BTBD9: variants seen among roughly 807,000 people sequenced by gnomAD.
BTBD9 encodes the protein BTB/POZ domain-containing protein 9.
In BTBD9, 49 loss-of-function variants were observed where a neutral mutation model predicts 64.3. That is an observed-to-expected ratio of 0.76 (90% confidence interval 0.61 to 0.97). The LOEUF (loss-of-function observed/expected upper bound fraction) is 0.97. Ranked by LOEUF, BTBD9 falls within the 50% of genes least tolerant of loss-of-function variation. BTBD9 has a pLI of 0.00. For synonymous variants in BTBD9, 260 were observed against 274.7 expected (o/e 0.95, Z 0.53); for missense variants, 598 against 762.1 (o/e 0.78, Z 2.53).
chr6:38,274,080 G>A (rs1025152077), intron 8 of BTBD9, among the ~76,000 whole-genome samples: 13 of 152,248 alleles, frequency 8.5e-5, no homozygotes, highest in Non-Finnish European at 1.2e-4. Context: ...ATGGTCGAAG[G>A]AAGAGGTCCT....
At chr6:38,385,794 C>CTTTTTT (rs34019950) in intron 6 of BTBD9, among the ~76,000 whole-genome samples, 7 of 129,396 alleles carry the variant, frequency 5.4e-5, no homozygotes, top group African/African-American at 1.8e-4. Flanking sequence ...TAATATCATA[C>CTTTTTT]TTTTTTTTTT....
chr6:38,258,458 T>C (rs892501485), intron 8 of BTBD9, among the ~76,000 whole-genome samples: 4 of 152,238 alleles, frequency 2.6e-5, no homozygotes, highest in African/African-American at 7.2e-5. Flanking sequence ...TGTTTGCTTC[T>C]TCTACCAGCT....
chr6:38,632,835 G>A (rs995162727), intron 1 of BTBD9, among the ~76,000 whole-genome samples: 3 of 152,098 alleles, frequency 2.0e-5, no homozygotes, highest in African/African-American at 7.2e-5. Flanking sequence ...AGAAGCCTGA[G>A]AAGGGAGAAT....
At chr6:38,424,621 A>C (rs1768063555) in intron 6 of BTBD9, among the ~76,000 whole-genome samples, 1 of 151,436 alleles carries the variant, frequency 6.6e-6, no homozygotes, top group African/African-American at 2.4e-5. Flanking sequence ...GGTTCAAGAG[A>C]TTCTCCTGCC....
At chr6:38,213,679 TAA>T (rs977160078) in intron 9 of BTBD9, among the ~76,000 whole-genome samples, 1 of 151,838 alleles carries the variant, frequency 6.6e-6, no homozygotes, top group East Asian at 1.9e-4. Flanking sequence ...AAAGTTGAAT[TAA>T]AAAAAATAAA....
intron 1 of BTBD9, among the ~76,000 whole-genome samples, chr6:38,601,337 G>A (rs1213029300): frequency 2.6e-5 from 4 of 152,154 alleles, no homozygotes; most frequent in East Asian, 3.8e-4. Flanking sequence ...ACAGCTTTAC[G>A]CAGAAAATGA....
intron 6 of BTBD9, among the ~76,000 whole-genome samples, chr6:38,562,859 T>C (rs775712975): frequency 3.0e-4 from 46 of 152,198 alleles, no homozygotes; most frequent in Non-Finnish European, 5.6e-4. Context: ...AATGGGTGTA[T>C]GCATGTTTAA....
chr6:38,422,651 T>C (rs1767960297), intron 6 of BTBD9, among the ~76,000 whole-genome samples: 3 of 152,156 alleles, frequency 2.0e-5, no homozygotes. Context: ...CTATATCTTC[T>C]ATGAAAAATA....
At chr6:38,408,726 T>A (rs1481036367) in intron 6 of BTBD9, among the ~76,000 whole-genome samples, 1 of 152,194 alleles carries the variant, frequency 6.6e-6, no homozygotes, top group African/African-American at 2.4e-5. Flanking sequence ...GGAACATCTT[T>A]TATTATTTCC....
At position 38,358,318 on chromosome 6, in the gene BTBD9, C is replaced by G. The variant is rs1003797782; in HGVS notation, c.1155-13225G>C. On this transcript the variant is annotated intron_variant, in intron 6 of 10. Transcript: ENST00000481247. The stretch of plus-strand genomic sequence containing the variant: ...CTTCCTTTGCTTCTGTTGGCACAAC[C>G]CAGTTGCTTCAGATAACAGCTGCTT... 8.5e-5 allele frequency among the ~76,000 whole-genome samples: 13 copies of G among 152,126 alleles called. No homozygotes were observed. In the South Asian group the frequency reaches 2.1e-3, roughly 24 times the overall value.
At chr6:38,194,705 G>T (rs1027761860) in intron 9 of BTBD9, among the ~76,000 whole-genome samples, 1 of 152,050 alleles carries the variant, frequency 6.6e-6, no homozygotes, top group African/African-American at 2.4e-5. Context: ...GTGAGGTCTC[G>T]CTGGGAGCCG....
chr6:38,287,034 A>G (rs1396297752), intron 8 of BTBD9, among the ~76,000 whole-genome samples: 2 of 136,820 alleles, frequency 1.5e-5, no homozygotes, highest in Non-Finnish European at 3.1e-5. Flanking sequence ...GTGAGCCAAG[A>G]TCGCACCATT....
At chr6:38,454,513 A>AT (rs1769707222) in intron 6 of BTBD9, among the ~76,000 whole-genome samples, 1 of 150,454 alleles carries the variant, frequency 6.6e-6, no homozygotes, top group Non-Finnish European at 1.5e-5. Flanking sequence ...TAATATAATT[A>AT]AATATTATAT....
intron 8 of BTBD9, among the ~76,000 whole-genome samples, chr6:38,262,470 CTT>C (rs546176317): frequency 2.8e-5 from 4 of 141,118 alleles, no homozygotes; most frequent in Non-Finnish European, 1.6e-5. Context: ...AAGTGCTGGG[CTT>C]TTTTTTTTTT....
chr6:38,180,438 A>G (rs954927850), intron 10 of BTBD9, among the ~76,000 whole-genome samples: 1 of 152,162 alleles, frequency 6.6e-6, no homozygotes, highest in Admixed American at 6.5e-5. Flanking sequence ...GTAGGGGGGA[A>G]ATCTGGAAAT....
At chr6:38,431,709 A>C (rs922225583) in intron 6 of BTBD9, among the ~76,000 whole-genome samples, 1 of 151,698 alleles carries the variant, frequency 6.6e-6, no homozygotes, top group Non-Finnish European at 1.5e-5. Flanking sequence ...ATCCCCTATC[A>C]TTTCTCCTCT....
At chr6:38,557,126 T>C (rs960358286) in intron 6 of BTBD9, among the ~76,000 whole-genome samples, 1 of 136,794 alleles carries the variant, frequency 7.3e-6, no homozygotes, top group East Asian at 2.6e-4. Flanking sequence ...GGTGGGCAGA[T>C]CATGAGATTG....
intron 9 of BTBD9, among the ~76,000 whole-genome samples, chr6:38,231,470 G>A (rs1050720792): frequency 6.6e-6 from 1 of 152,186 alleles, no homozygotes; most frequent in African/African-American, 2.4e-5. Context: ...TCATGGCAAT[G>A]TCTCTAACTC....
chr6:38,596,238 ACT>A (rs1777025702), intron 2 of BTBD9, among the ~76,000 whole-genome samples: 1 of 152,100 alleles, frequency 6.6e-6, no homozygotes, highest in African/African-American at 2.4e-5. Context: ...TCTAAGGTAG[ACT>A]CTGAGCTTAG....
Sources: gnomAD v4.1 joint callset for allele counts (sites outside exome capture counted in the v4.1 genomes callset) on GRCh38, gnomAD v4.1.1 for gene constraint, MANE v1.5 for transcripts, NCBI Gene and HGNC (gene_info 2026-07-23, HGNC 2026-07-21) for gene names.